ZNF490: variants seen among roughly 807,000 people sequenced by gnomAD.
ZNF490 encodes zinc finger protein 490.
Under a neutral mutation model 17.7 loss-of-function variants are expected in ZNF490, and 11 were observed. The ratio of observed to expected loss-of-function variants is 0.62; its 90% CI spans 0.39 to 1.03. ZNF490 has a LOEUF of 1.03. ZNF490 is among the 50% of genes least tolerant of loss of function. The probability of loss-of-function intolerance (pLI) is 0.00; values close to 1 mark genes in which losing one functional copy is unlikely to be tolerated. For synonymous variants in ZNF490, 222 were observed against 216.1 expected, an observed-to-expected ratio of 1.03 and a Z score of -0.24; for missense variants, 542 against 643.4, an observed-to-expected ratio of 0.84 and a Z score of 1.71.
rs967925538 is a variant in ZNF490, at chr19:12,584,858, C to T, written c.163-1302G>A. On this transcript the variant is annotated intron_variant, in intron 2 of 4. Transcript: ENST00000311437. ...TCTTCTGCATTAGTATTAATTTCAA[C>T]GTGTTTGTGTAATATTTATCATAGG... Among the ~76,000 whole-genome samples the T allele has an allele frequency of 4.3e-5, 4 of 93,846 alleles. 1 individual carries two copies. Among genetic ancestry groups the T allele is most frequent in the Admixed American group, 4.0e-4 (4 of 9,952 alleles). 61.6% of individuals were successfully genotyped at this position (93,846 alleles called of 152,430 possible).
chr19:12,595,182 T>G (rs887746116), intron 2 of ZNF490, among the ~76,000 whole-genome samples: 8 of 152,160 alleles, frequency 5.3e-5, no homozygotes, highest in African/African-American at 1.9e-4. Flanking sequence ...GCTCTTGTTG[T>G]CCCTGCTGGA....
intron 2 of ZNF490, chr19:12,597,025 G>A (rs1038263334): frequency 4.6e-6 from 2 of 431,600 alleles, no homozygotes; most frequent in African/African-American, 2.0e-5. Flanking sequence ...CCCAGCTGCC[G>A]GCCCAGCCCC....
Position 12,581,094 on chromosome 19 carries a change from A to G in ZNF490, c.981T>C (p.Thr327=). 6.2e-7 allele frequency: 1 copy of G among 1,614,116 alleles called. No individual in the cohort carries two copies. The highest frequency in any genetic ancestry group is 8.5e-7 in the Non-Finnish European group (1 of 1,180,026). Residue 327 remains threonine, a synonymous_variant, in exon 5 of 5, where the codon ACT becomes ACC. Coordinates refer to ENST00000311437, the MANE Select transcript of ZNF490 (RefSeq NM_020714.3). ...ATACAAAAGGTTTCTCTCCAGTATG[A>G]GTTTTCTCATGACTCCGTAAGTACG... ...CPTYLRSHEK[T]HTGEKPFVCR... is the part of the protein sequence containing the mutation.
chr19:12,598,616 A>T (rs2022963399), intron 2 of ZNF490, among the ~76,000 whole-genome samples: 1 of 150,976 alleles, frequency 6.6e-6, no homozygotes, highest in South Asian at 2.1e-4. Context: ...TTAGGTTGGG[A>T]TCTGCCCGCC....
At chr19:12,609,845 G>A (rs2023122425) in intron 1 of ZNF490, 10 of 427,728 alleles carry the variant, frequency 2.3e-5, no homozygotes, top group South Asian at 6.8e-5. Flanking sequence ...TGGACAGAGA[G>A]GGGGGATGAG....
rs533908443 is a variant in ZNF490, at chr19:12,576,313, C to T, written c.*4172G>A. On this transcript the variant is annotated 3_prime_UTR_variant, in exon 5 of 5. Transcript: ENST00000311437. ...ACAAGGTCAGGAGGGCGAGACCATC[C>T]TGGCCAACATGGTGAAACCCCGTCT... Among the ~76,000 whole-genome samples, 1 of 152,202 alleles carries T rather than the reference C, an allele frequency of 6.6e-6. No homozygotes were observed. The highest frequency in any genetic ancestry group is 2.4e-5 in the African/African-American group (1 of 41,548).
Position 12,581,771 on chromosome 19 carries a change from C to T in ZNF490, c.351-47G>A, listed in dbSNP as rs755082472. ...TTATTAATAGTTTTGTATTAATGATCTTATATTTATTAGCAAGTACCAGAA... is the reference window on the plus strand; with the variant it reads ...TTATTAATAGTTTTGTATTAATGATTTTATATTTATTAGCAAGTACCAGAA... On this transcript the variant is annotated intron_variant, in intron 4 of 4. Transcript: ENST00000311437. The T allele has an allele frequency of 4.1e-6, 6 of 1,449,554 alleles. No individual in the cohort carries two copies. The Admixed American group carries it at 1.1e-4, about 27-fold the overall frequency. The allele number at this position is 1,449,554 out of a possible 1,614,324, so 89.8% of individuals were successfully genotyped here. A position where few individuals can be genotyped will look rare whatever the true frequency, so the allele number is the denominator to read the frequency against.
At position 12,581,139 on chromosome 19, in the gene ZNF490, C is replaced by G. The variant is rs770838942; in HGVS notation, c.936G>C (p.Gly312=). The G allele has an allele frequency of 2.5e-6, 4 of 1,614,108 alleles. No homozygotes were observed. The highest frequency in any genetic ancestry group is 1.3e-5 in the African/African-American group (1 of 75,014). The stretch of plus-strand genomic sequence containing the variant: ...AGTACGTGGGACAACTGAAGGCTTT[C>G]CCACATTGCTTACATTCATAAGGTT... ...GEKPYECKQC[G]KAFSCPTYLR... Residue 312 remains glycine (G), a synonymous_variant, in exon 5 of 5, where the codon GGG becomes GGC. Coordinates refer to ENST00000311437, the MANE Select transcript of ZNF490 (RefSeq NM_020714.3).
At chr19:12,602,361 A>G (rs1432066632) in intron 2 of ZNF490, among the ~76,000 whole-genome samples, 1 of 152,170 alleles carries the variant, frequency 6.6e-6, no homozygotes. Context: ...AGCCTGGCCA[A>G]CAGGGTGAAA....
intron 2 of ZNF490, among the ~76,000 whole-genome samples, chr19:12,606,892 T>C (rs2023074330): frequency 6.6e-6 from 1 of 152,216 alleles, no homozygotes; most frequent in Admixed American, 6.5e-5. Flanking sequence ...ATTTCAATAA[T>C]TTATGTTTGC....
chr19:12,600,114 G>A (rs1364703894), intron 2 of ZNF490, among the ~76,000 whole-genome samples: 2 of 152,152 alleles, frequency 1.3e-5, no homozygotes, highest in East Asian at 1.9e-4. Context: ...TGTAATCCCA[G>A]CACTTTGGGA....
At chr19:12,605,916 G>A (rs1002495037) in intron 2 of ZNF490, among the ~76,000 whole-genome samples, 4 of 150,342 alleles carry the variant, frequency 2.7e-5, no homozygotes, top group Admixed American at 6.7e-5. Context: ...ACAGAGTTTT[G>A]CTCTTGTTGC....
intron 2 of ZNF490, among the ~76,000 whole-genome samples, chr19:12,591,540 G>C (rs2022871520): frequency 1.3e-5 from 2 of 151,992 alleles, no homozygotes; most frequent in Admixed American, 1.3e-4. Flanking sequence ...CTCAGTAACA[G>C]GAAGACAATC....
intron 2 of ZNF490, among the ~76,000 whole-genome samples, chr19:12,593,972 T>C (rs1020811241): frequency 1.3e-5 from 2 of 152,148 alleles, no homozygotes; most frequent in African/African-American, 2.4e-5. Flanking sequence ...CTAGGACCCA[T>C]GGCAAAATGA....
intron 2 of ZNF490, among the ~76,000 whole-genome samples, chr19:12,600,086 G>A (rs529685407): frequency 6.6e-6 from 1 of 152,300 alleles, no homozygotes; most frequent in South Asian, 2.1e-4. Context: ...GTTTAGGCCA[G>A]GCGCCGTGGC....
chr19:12,601,972 C>T (rs915423709), intron 2 of ZNF490, among the ~76,000 whole-genome samples: 8 of 149,658 alleles, frequency 5.3e-5, no homozygotes, highest in Non-Finnish European at 7.4e-5. Context: ...CCAGCCTGGG[C>T]GAGAGAGCAA....
rs112403439 is a variant in ZNF490, at chr19:12,587,757, G to A, written c.163-4201C>T. Among the ~76,000 whole-genome samples, 8 of 92,778 alleles carry A rather than the reference G, an allele frequency of 8.6e-5. 2 individuals are homozygous for A. The highest frequency in any genetic ancestry group is 2.6e-4 in the African/African-American group (8 of 30,922). 60.9% of individuals were successfully genotyped at this position (92,778 alleles called of 152,430 possible). On this transcript the variant is annotated intron_variant, in intron 2 of 4. Transcript: ENST00000311437. ...GCCACCCAGGCTGGAGTGCAGTGGC[G>A]CAATCTTGGCTCACTGCAACCTCCA...
Position 12,581,034 on chromosome 19 carries a change from T to C in ZNF490, c.1041A>G (p.Ser347=). The change falls in exon 5 of 5, where the codon TCA becomes TCG. Residue 347 remains serine (S), a synonymous_variant. Coordinates refer to ENST00000311437, the MANE Select transcript of ZNF490 (RefSeq NM_020714.3). ...RECGRAFFSH[S]SLRKHVKTHT... is the part of the protein sequence containing the mutation. ...GGGTTTTCACGTGTTTTCGAAGGCT[T>C]GAGTGAGAAAAGAAGGCTCTCCCAC... 1 of 1,613,990 alleles carries C rather than the reference T, an allele frequency of 6.2e-7. No individual in the cohort carries two copies. Among genetic ancestry groups the C allele is most frequent in the South Asian group, 1.1e-5 (1 of 91,080 alleles).
At chr19:12,608,805 T>A (rs2023104374) in intron 2 of ZNF490, among the ~76,000 whole-genome samples, 1 of 151,998 alleles carries the variant, frequency 6.6e-6, no homozygotes, top group Admixed American at 6.6e-5. Flanking sequence ...AGACAGAGTC[T>A]CACTACATTG....
Sources: allele counts gnomAD v4.1 joint callset (sites outside exome capture counted in the v4.1 genomes callset), GRCh38; gene constraint gnomAD v4.1.1; transcripts MANE v1.5; gene names NCBI Gene and HGNC (gene_info 2026-07-23, HGNC 2026-07-21).